CTNNA3: variants seen among roughly 807,000 people sequenced by gnomAD.
The protein encoded by CTNNA3 is catenin alpha-3.
In CTNNA3, 76 loss-of-function variants were observed where a neutral mutation model predicts 95.7. That is an observed-to-expected ratio of 0.79 (90% CI 0.66 to 0.96). CTNNA3 has a LOEUF of 0.96. Ranked by LOEUF, CTNNA3 falls within the 40% of genes least tolerant of loss-of-function variation. The pLI, the probability that CTNNA3 is intolerant of heterozygous loss-of-function variation, is 0.00. For synonymous variants in CTNNA3, 431 were observed against 374.4 expected (o/e 1.15, Z -1.74); for missense variants, 1,191 against 1,089.8 (o/e 1.09, Z -1.31).
chr10:66,072,895 A>G (rs576157753), intron 14 of CTNNA3, among the ~76,000 whole-genome samples: 1 of 152,308 alleles, frequency 6.6e-6, no homozygotes, highest in East Asian at 1.9e-4. Flanking sequence ...GCACCACATT[A>G]TGTTCTGAAG....
At chr10:66,239,278 T>G (rs1287096029) in intron 13 of CTNNA3, among the ~76,000 whole-genome samples, 3 of 151,742 alleles carry the variant, frequency 2.0e-5, no homozygotes, top group Non-Finnish European at 4.4e-5. Context: ...TAAATTTAAT[T>G]ACATTTTATT....
At chr10:67,121,950 G>A (rs1375801844) in intron 7 of CTNNA3, among the ~76,000 whole-genome samples, 3 of 121,656 alleles carry the variant, frequency 2.5e-5, no homozygotes, top group African/African-American at 6.3e-5. Flanking sequence ...ATTTAATTGT[G>A]TAGCACGCTC....
intron 7 of CTNNA3, among the ~76,000 whole-genome samples, chr10:67,124,363 TG>T (rs1859610604): frequency 6.6e-6 from 1 of 151,424 alleles, no homozygotes; most frequent in South Asian, 2.1e-4. Flanking sequence ...TGTGTGTGTG[TG>T]TGTGTGTGTG....
chr10:67,387,635 A>C (rs7075939), intron 5 of CTNNA3, among the ~76,000 whole-genome samples: 105,632 of 151,890 alleles, frequency 0.7, 41,350 homozygotes, highest in Non-Finnish European at 0.88. Context: ...AGACAGCAGT[A>C]ACCTCTGCAG....
intron 14 of CTNNA3, among the ~76,000 whole-genome samples, chr10:66,095,352 A>T (rs1460592391): frequency 6.6e-6 from 1 of 152,140 alleles, no homozygotes; most frequent in Admixed American, 6.6e-5. Context: ...AATTGAAATG[A>T]TAGTAACCAA....
rs565532203 is a variant in CTNNA3, at chr10:67,642,827, G to C, written c.99+4588C>G. ...ATTAAAAAGTCAAAAAACAACAGAT[G>C]CTGACAAGGTTGCAGAGAAAAAGGA... On this transcript the variant is annotated intron_variant, in intron 2 of 17. Transcript: ENST00000433211. 3.0e-4 allele frequency among the ~76,000 whole-genome samples: 45 copies of C among 152,238 alleles called. 2 individuals carry two copies. In the South Asian group the frequency reaches 9.3e-3, roughly 32 times the overall value.
At chr10:67,727,219 G>A (rs1401703359) in intron 1 of CTNNA3, among the ~76,000 whole-genome samples, 1 of 123,186 alleles carries the variant, frequency 8.1e-6, no homozygotes, top group Admixed American at 9.7e-5. Context: ...ATGTATATAT[G>A]TATATTACAT....
chr10:67,453,500 A>G (rs978594945), intron 5 of CTNNA3, among the ~76,000 whole-genome samples: 1 of 152,230 alleles, frequency 6.6e-6, no homozygotes, highest in African/African-American at 2.4e-5. Context: ...TTGCAAACTT[A>G]TAGTAAAACA....
At chr10:67,469,088 T>A (rs1379138606) in intron 5 of CTNNA3, among the ~76,000 whole-genome samples, 1 of 152,158 alleles carries the variant, frequency 6.6e-6, no homozygotes, top group Non-Finnish European at 1.5e-5. Context: ...CAATGCTAAT[T>A]TTTTGAAAAT....
chr10:66,171,270 T>TA (rs572189021), intron 13 of CTNNA3, among the ~76,000 whole-genome samples: 4,691 of 147,524 alleles, frequency 0.032, 247 homozygotes, highest in African/African-American at 0.11. Context: ...AGCCTTTATT[T>TA]AAAAAAAAAA....
chr10:67,377,963 T>C, intron 5 of CTNNA3, among the ~76,000 whole-genome samples: 1 of 152,104 alleles, frequency 6.6e-6, no homozygotes, highest in East Asian at 1.9e-4. Flanking sequence ...CACTGCAGCC[T>C]TGAACTCCTG....
chr10:65,957,950 G>T (rs2077766737), intron 17 of CTNNA3, among the ~76,000 whole-genome samples: 1 of 152,140 alleles, frequency 6.6e-6, no homozygotes, highest in Non-Finnish European at 1.5e-5. Flanking sequence ...GGTTGGGGAA[G>T]TTCACCTGGA....
At chr10:66,879,435 T>A (rs144245231) in intron 7 of CTNNA3, among the ~76,000 whole-genome samples, 1 of 152,080 alleles carries the variant, frequency 6.6e-6, no homozygotes. Context: ...GGAACCAAAG[T>A]CTATGGATCG....
intron 1 of CTNNA3, among the ~76,000 whole-genome samples, chr10:67,669,249 G>T (rs1840387930): frequency 6.6e-6 from 1 of 152,190 alleles, no homozygotes; most frequent in African/African-American, 2.4e-5. Flanking sequence ...AGTTTGAGGT[G>T]CAGTGGCATA....
intron 13 of CTNNA3, 108 bp downstream of exon 13, chr10:66,280,362 C>T: frequency 2.1e-6 from 2 of 960,586 alleles, no homozygotes; most frequent in Non-Finnish European, 3.1e-6. Context: ...TAATAGATTT[C>T]AGCATTGACA....
intron 1 of CTNNA3, among the ~76,000 whole-genome samples, chr10:67,709,170 G>A (rs1841093622): frequency 6.6e-6 from 1 of 152,092 alleles, no homozygotes; most frequent in African/African-American, 2.4e-5. Context: ...CAGCATTTCA[G>A]TAGTGACATG....
chr10:67,755,819 A>AAAAAG lies in CTNNA3; in HGVS notation c.-2+7614_-2+7615insCTTTT, dbSNP rs1554881122. On this transcript the variant is annotated intron_variant, in intron 1 of 17. Transcript: ENST00000684154. ...CTCTGCCTCAAAAAAAAAAAAAAAA[A>AAAAAG]AAAGAAAGAAAGAAAGAAAAGAAAA... Among the ~76,000 whole-genome samples, 228 of 145,152 alleles carry AAAAAG rather than the reference A, an allele frequency of 1.6e-3. 2 individuals carry two copies. The highest frequency in any genetic ancestry group is 4.1e-3 in the East Asian group (21 of 5,062).
At chr10:66,137,551 T>C (rs1483992620) in intron 13 of CTNNA3, among the ~76,000 whole-genome samples, 4 of 152,164 alleles carry the variant, frequency 2.6e-5, no homozygotes, top group East Asian at 1.9e-4. Flanking sequence ...ATATGAACCA[T>C]ATATTAAATA....
At chr10:67,016,653 T>G (rs1232258124) in intron 7 of CTNNA3, among the ~76,000 whole-genome samples, 4 of 152,190 alleles carry the variant, frequency 2.6e-5, no homozygotes, top group African/African-American at 9.7e-5. Context: ...CAAATATTTT[T>G]GGGGGAAAGG....
Sources: gnomAD v4.1 joint callset for allele counts (sites outside exome capture counted in the v4.1 genomes callset) on GRCh38, gnomAD v4.1.1 for gene constraint, MANE v1.5 for transcripts, NCBI Gene and HGNC (gene_info 2026-07-23, HGNC 2026-07-21) for gene names.